Variants in ABCB5 observed in about 807,000 individuals in gnomAD.
The protein encoded by ABCB5 is ATP binding cassette subfamily B member 5.
ABCB5 carries 155 observed loss-of-function variants against 144.2 expected under a neutral mutation model. The ratio of observed to expected loss-of-function variants is 1.08; its 90% CI spans 0.94 to 1.23. The LOEUF is 1.23. ABCB5 is among the 50% of genes most tolerant of loss of function. The pLI is 0.00. For synonymous variants in ABCB5, 610 were observed against 528.6 expected, an observed-to-expected ratio of 1.15 and a Z score of -2.11; for missense variants, 1,830 against 1,520.8, an observed-to-expected ratio of 1.20 and a Z score of -3.38.
At chr7:20,687,035 A>G (rs1786025755) in intron 16 of ABCB5, among the ~76,000 whole-genome samples, 1 of 152,156 alleles carries the variant, frequency 6.6e-6, no homozygotes, top group South Asian at 2.1e-4. Flanking sequence ...TATTTTTTTA[A>G]GTCTATTTAA....
chr7:20,634,183 CA>C (rs11389031), intron 5 of ABCB5, among the ~76,000 whole-genome samples: 2 of 144,936 alleles, frequency 1.4e-5, no homozygotes, highest in Non-Finnish European at 3.0e-5. Flanking sequence ...CATGTTGCTG[CA>C]AAAAAAAAAC....
Position 20,739,062 on chromosome 7 carries a change from T to G in ABCB5, c.2947T>G (p.Ser983Ala), listed in dbSNP as rs780475294. Residue 983 changes from serine (S) to alanine (A), a missense_variant, in exon 24 of 28, where the codon TCG becomes GCG. Coordinates refer to ENST00000404938, the MANE Select transcript of ABCB5 (RefSeq NM_001163941.2). ...GGCTCCTGAATATTCCAAAGCCAAA[T>G]CGGGGGCTGCGCATCTGTTTGCCTT... ...VLAPEYSKAKSGAAHLFALLE... is the reference protein window; with the variant it reads ...VLAPEYSKAKAGAAHLFALLE... 8 of 1,612,326 alleles carry G rather than the reference T, an allele frequency of 5.0e-6. No individual in the cohort carries two copies. The highest frequency in any genetic ancestry group is 1.6e-4 in the Middle Eastern group (1 of 6,076).
chr7:20,708,742 A>G (rs563077603), intron 20 of ABCB5, among the ~76,000 whole-genome samples: 1 of 152,334 alleles, frequency 6.6e-6, no homozygotes, highest in East Asian at 1.9e-4. Flanking sequence ...GACAAATAAT[A>G]ATAATAAATA....
At chr7:20,668,591 G>GGGC (rs1554282719) in intron 14 of ABCB5, among the ~76,000 whole-genome samples, 3 of 24,520 alleles carry the variant, frequency 1.2e-4, no homozygotes, top group African/African-American at 3.9e-4. Context: ...GGAGGGAGGT[G>GGGC]GGGGGGGGGG....
At chr7:20,636,567 T>C (rs1784159954) in intron 5 of ABCB5, among the ~76,000 whole-genome samples, 1 of 151,890 alleles carries the variant, frequency 6.6e-6, no homozygotes, top group Non-Finnish European at 1.5e-5. Flanking sequence ...GGCAGATCAC[T>C]TGAGGTCAGG....
rs377620398 is a variant in ABCB5, at chr7:20,698,428, C to T, written c.2032C>T (p.Leu678=). The change falls in exon 17 of 28, where the codon CTA becomes TTA. Residue 678 remains leucine, a synonymous_variant. Coordinates refer to ENST00000404938, the MANE Select transcript of ABCB5 (RefSeq NM_001163941.2). ...TTAGATAAGTCTTCCTGAAGTCTCT[C>T]TATTAAAAATTTTAAAGTTAAACAA... The part of the protein sequence containing the change: ...SKEISLPEVS[L]LKILKLNKPE... 1.9e-6 allele frequency: 3 copies of T among 1,580,196 alleles called. No homozygotes were observed. Among genetic ancestry groups the T allele is most frequent in the Non-Finnish European group, 8.5e-7 (1 of 1,170,002 alleles).
At chr7:20,735,187 TGAAAACTGCC>T (rs1200622441) in intron 23 of ABCB5, among the ~76,000 whole-genome samples, 3 of 152,324 alleles carry the variant, frequency 2.0e-5, no homozygotes, top group Non-Finnish European at 2.9e-5. Context: ...GCCACAGCTT[TGAAAACTGCC>T]TGAGAAGCAG....
At chr7:20,752,802 C>T (rs774505219) in intron 26 of ABCB5, among the ~76,000 whole-genome samples, 12 of 152,108 alleles carry the variant, frequency 7.9e-5, no homozygotes, top group Non-Finnish European at 1.5e-4. Context: ...GCCAAGATTG[C>T]GCCACTGCAC....
At chr7:20,688,394 T>A (rs916221346) in intron 16 of ABCB5, among the ~76,000 whole-genome samples, 6 of 152,020 alleles carry the variant, frequency 3.9e-5, no homozygotes, top group African/African-American at 1.4e-4. Flanking sequence ...GTATGGGGAG[T>A]TGGGTAGCGA....
At position 20,681,515 on chromosome 7, in the gene ABCB5, G is replaced by C. The variant is rs768505836; in HGVS notation, c.1718G>C (p.Gly573Ala). ...CATTTTATTCTGTAGGCGAGCAAAG[G>C]TCGGACTACAATCGTGGTAGCACAC... Reference protein sequence around the residue: ...VQAALEKASKGRTTIVVAHRL... With the variant: ...VQAALEKASKARTTIVVAHRL... Residue 573 changes from glycine (G) to alanine (A), a missense_variant, in exon 15 of 28, where the codon GGT (glycine) becomes GCT (alanine). Coordinates refer to ENST00000404938, the MANE Select transcript of ABCB5 (RefSeq NM_001163941.2). The C allele has an allele frequency of 5.0e-6, 8 of 1,614,118 alleles. No individual in the cohort carries two copies. Among genetic ancestry groups the C allele is most frequent in the Non-Finnish European group, 5.9e-6 (7 of 1,179,998 alleles).
At chr7:20,709,698 T>C (rs972231983) in intron 20 of ABCB5, among the ~76,000 whole-genome samples, 1 of 150,046 alleles carries the variant, frequency 6.7e-6, no homozygotes, top group Admixed American at 6.6e-5. Flanking sequence ...GGTAAAGTGA[T>C]GAGAGTGGCA....
At chr7:20,681,818 A>T (rs118126951) in intron 15 of ABCB5, 152 bp downstream of exon 15, 71 of 870,424 alleles carry the variant, frequency 8.2e-5, no homozygotes, top group Non-Finnish European at 1.2e-4. Flanking sequence ...AGTGTTTCAA[A>T]TCCTCAGTGT....
intron 20 of ABCB5, among the ~76,000 whole-genome samples, chr7:20,714,034 T>G (rs11978030): frequency 0.12 from 17,853 of 152,070 alleles, 1,898 homozygotes; most frequent in African/African-American, 0.27. Context: ...ACCACAGGGG[T>G]CACCTTGTTT....
At chr7:20,624,441 A>G (rs1783864687) in intron 2 of ABCB5, among the ~76,000 whole-genome samples, 1 of 152,244 alleles carries the variant, frequency 6.6e-6, no homozygotes, top group African/African-American at 2.4e-5. Flanking sequence ...GTCAGTAGCA[A>G]TACCAACAGC....
At chr7:20,661,534 C>CTCTTTTTTTTTTTTTTTTTTTTTTTTTT (rs1406657803) in intron 14 of ABCB5, among the ~76,000 whole-genome samples, 2 of 132,388 alleles carry the variant, frequency 1.5e-5, no homozygotes, top group African/African-American at 3.2e-5. Context: ...TCTTTCTTTT[C>CTCTTTTTTTTTTTTTTTTTTTTTTTTTT]TTTTTCTTTT....
chr7:20,673,482 T>C (rs1181860915), intron 14 of ABCB5, among the ~76,000 whole-genome samples: 2 of 152,110 alleles, frequency 1.3e-5, no homozygotes, highest in Non-Finnish European at 2.9e-5. Flanking sequence ...TATGTTCTCT[T>C]GATGAATCGA....
rs200795180 is a variant in ABCB5, at chr7:20,659,070, C to T, written c.1707+394C>T. ...CTGACCACTTTTCTTCTTTAGGATACCCCCAGGTATTCATTTTGACCTAAT... is the reference window on the plus strand; with the variant it reads ...CTGACCACTTTTCTTCTTTAGGATATCCCCAGGTATTCATTTTGACCTAAT... On this transcript the variant is annotated intron_variant, in intron 14 of 27. Transcript: ENST00000404938. 458 of 1,613,922 alleles carry T rather than the reference C, an allele frequency of 2.8e-4. 3 individuals are homozygous for T. In the Admixed American group the frequency reaches 5.2e-3, roughly 18 times the overall value.
intron 14 of ABCB5, chr7:20,659,300 G>A (rs1784920279): frequency 4.2e-6 from 6 of 1,433,462 alleles, no homozygotes; most frequent in East Asian, 4.9e-5. Context: ...CAGTTTTCTC[G>A]ATGGCCTGAC....
At chr7:20,728,179 C>A in intron 22 of ABCB5, 136 bp from the exon 23 acceptor site, 1 of 1,034,528 alleles carries the variant, frequency 9.7e-7, no homozygotes. Context: ...AAATCACTTT[C>A]TCTTTCATCA....
Sources: gnomAD v4.1 joint callset for allele counts (sites outside exome capture counted in the v4.1 genomes callset) on GRCh38, gnomAD v4.1.1 for gene constraint, MANE v1.5 for transcripts, NCBI Gene and HGNC (gene_info 2026-07-23, HGNC 2026-07-21) for gene names.